GTPBP10: variants seen among roughly 807,000 people sequenced by gnomAD.
GTPBP10 encodes GTP-binding protein 10.
GTPBP10 carries 38 observed loss-of-function variants against 44.8 expected under a neutral mutation model. That is an observed-to-expected ratio of 0.85 (90% confidence interval 0.65 to 1.11). The LOEUF is 1.11. Ranked by LOEUF, GTPBP10 falls within the 50% of genes most tolerant of loss-of-function variation. GTPBP10 has a pLI of 0.00. For missense variants in GTPBP10, 462 were observed against 453.7 expected, an observed-to-expected ratio of 1.02 and a Z score of -0.17; for synonymous variants, 152 against 150.6, an observed-to-expected ratio of 1.01 and a Z score of -0.07.
At chr7:90,351,014 A>G (rs1201852942) in intron 1 of GTPBP10, among the ~76,000 whole-genome samples, 1 of 152,224 alleles carries the variant, frequency 6.6e-6, no homozygotes, top group South Asian at 2.1e-4. Context: ...TTACTGACTT[A>G]TAAAATGTAC....
chr7:90,353,800 G>C (rs111342758), intron 2 of GTPBP10, among the ~76,000 whole-genome samples: 2,323 of 148,444 alleles, frequency 0.016, 58 homozygotes, highest in African/African-American at 0.053. Flanking sequence ...GCTATTTGGT[G>C]GATTTTCTTT....
chr7:90,366,490 C>T (rs898315002), intron 4 of GTPBP10, among the ~76,000 whole-genome samples: 39 of 152,146 alleles, frequency 2.6e-4, no homozygotes, highest in African/African-American at 8.9e-4. Flanking sequence ...TCAAATTCTT[C>T]CTGTTTTAGT....
rs1333034358 is a variant in GTPBP10, at chr7:90,390,236, AAG to A, written c.*5084_*5085del. 2.0e-5 allele frequency: 3 copies of A among 152,246 alleles called. No individual in the cohort carries two copies. Among genetic ancestry groups the A allele is most frequent in the Non-Finnish European group, 4.4e-5 (3 of 68,052 alleles). 9.4% of individuals were successfully genotyped at this position (152,246 alleles called of 1,614,324 possible). On this transcript the variant is annotated 3_prime_UTR_variant, in exon 10 of 10. Coordinates refer to ENST00000222511, the MANE Select transcript of GTPBP10 (RefSeq NM_033107.4). Reference sequence around the variant, plus strand: ...GAAATGAGAAAGGGAGAGAGGGAAGAAGAAAAAAATGGATGTTGGAAAGTTGT... The same window carrying A: ...GAAATGAGAAAGGGAGAGAGGGAAGAAAAAAAATGGATGTTGGAAAGTTGT...
chr7:90,347,050 C>T (rs897944676), intron 1 of GTPBP10, among the ~76,000 whole-genome samples: 2 of 152,106 alleles, frequency 1.3e-5, no homozygotes, highest in African/African-American at 2.4e-5. Flanking sequence ...GGGATACCTG[C>T]CTGCTGTGGC....
At chr7:90,355,333 A>G in intron 4 of GTPBP10, 103 bp downstream of exon 4, 3 of 797,844 alleles carry the variant, frequency 3.8e-6, no homozygotes, top group South Asian at 5.4e-5. Flanking sequence ...TTTCTAATTT[A>G]TGGAATTTGT....
rs535656930 is a variant in GTPBP10 at position 90,369,168 on chromosome 7, C to A, written c.465-2987C>A. 1.3e-3 allele frequency among the ~76,000 whole-genome samples: 195 copies of A among 152,294 alleles called. 1 individual carries two copies. The highest frequency in any genetic ancestry group is 2.0e-3 in the Non-Finnish European group (139 of 68,020). On this transcript the variant is annotated intron_variant, in intron 4 of 9. Transcript: ENST00000222511. The stretch of plus-strand genomic sequence containing the variant: ...TGCTGCCTGATTTTTGCTCTGGAAG[C>A]TTTGTCCTAAAGGGGCAACCCCCTG...
intron 4 of GTPBP10, among the ~76,000 whole-genome samples, chr7:90,370,963 G>T (rs201460409): frequency 2.0e-5 from 3 of 151,634 alleles, no homozygotes; most frequent in South Asian, 2.1e-4. Context: ...CCAAGATCAC[G>T]CCACTGCACT....
At chr7:90,368,201 G>A (rs1796175249) in intron 4 of GTPBP10, among the ~76,000 whole-genome samples, 1 of 152,104 alleles carries the variant, frequency 6.6e-6, no homozygotes, top group Non-Finnish European at 1.5e-5. Context: ...TTTCTCTCTG[G>A]CTGCCCTTAA....
intron 4 of GTPBP10, among the ~76,000 whole-genome samples, chr7:90,359,494 C>G (rs1322289081): frequency 6.6e-6 from 1 of 152,172 alleles, no homozygotes; most frequent in African/African-American, 2.4e-5. Context: ...TGGCTGCATA[C>G]CATTCCATGA....
chr7:90,385,743 T>TA lies in GTPBP10; in HGVS notation c.*591dup, dbSNP rs1176781849. The TA allele has an allele frequency of 3.3e-5, 5 of 152,092 alleles. No homozygotes were observed. Among genetic ancestry groups the TA allele is most frequent in the Non-Finnish European group, 7.4e-5 (5 of 68,024 alleles). 9.4% of individuals were successfully genotyped at this position (152,092 alleles called of 1,614,324 possible). On this transcript the variant is annotated 3_prime_UTR_variant, in exon 10 of 10. Coordinates refer to ENST00000222511, the MANE Select transcript of GTPBP10 (RefSeq NM_033107.4). ...CCTTTTAAAGTTATTATTTTGTAAT[T>TA]AAGTATGTCAACAGTAAAAAATAAC...
chr7:90,372,012 G>A (rs1796266236), intron 4 of GTPBP10, 143 bp from the exon 5 acceptor site: 2 of 529,876 alleles, frequency 3.8e-6, no homozygotes, highest in Non-Finnish European at 3.3e-6. Context: ...GTAAGTGTAT[G>A]TTCTCAAGTT....
intron 4 of GTPBP10, among the ~76,000 whole-genome samples, chr7:90,369,706 C>T (rs17867139): frequency 0.068 from 10,399 of 152,186 alleles, 388 homozygotes; most frequent in South Asian, 0.15. Context: ...GTGTACCACT[C>T]CTCCAGGTAC....
rs1422072262 is a variant in GTPBP10, at chr7:90,385,619, T to A, written c.*465T>A. The stretch of plus-strand genomic sequence containing the variant: ...AATCCAGTTTTTCTACGTCATTTTT[T>A]AAAATTATATTTAATTTTTTTATTT... On this transcript the variant is annotated 3_prime_UTR_variant, in exon 10 of 10. Coordinates refer to ENST00000222511, the MANE Select transcript of GTPBP10 (RefSeq NM_033107.4). 3 of 152,224 alleles carry A rather than the reference T, an allele frequency of 2.0e-5. No individual in the cohort carries two copies. Among genetic ancestry groups the A allele is most frequent in the East Asian group, 1.9e-4 (1 of 5,206 alleles). The allele number at this position is 152,224 out of a possible 1,614,324, so 9.4% of individuals were successfully genotyped here. A position where few individuals can be genotyped will look rare whatever the true frequency, so the allele number is the denominator to read the frequency against.
chr7:90,348,272 A>G (rs1211387626), intron 1 of GTPBP10, among the ~76,000 whole-genome samples: 1 of 152,188 alleles, frequency 6.6e-6, no homozygotes, highest in Non-Finnish European at 1.5e-5. Flanking sequence ...TTGGATATAC[A>G]GTTGACCCTT....
intron 4 of GTPBP10, among the ~76,000 whole-genome samples, chr7:90,370,903 A>G (rs1445549749): frequency 6.6e-6 from 1 of 151,874 alleles, no homozygotes; most frequent in Admixed American, 6.6e-5. Context: ...TCTACTTGGG[A>G]GGCTGAGGCA....
rs137995301 is a variant in GTPBP10, at chr7:90,346,749, A to C, written c.8A>C (p.His3Pro). 4.3e-6 allele frequency: 7 copies of C among 1,614,218 alleles called. No homozygotes were observed. Among genetic ancestry groups the C allele is most frequent in the Admixed American group, 1.7e-5 (1 of 60,024 alleles). MV[H>P]CSCVLFRKYG... ...TCCTGGCCTGTTGCAGCCATGGTGC[A>C]TTGCAGTTGCGTGTTGTTCAGAAAG... Residue 3 changes from histidine (H) to proline (P), a missense_variant, in exon 1 of 10, where the codon CAT (histidine) becomes CCT (proline). Transcript: ENST00000222511.
intron 8 of GTPBP10, among the ~76,000 whole-genome samples, chr7:90,382,315 G>A (rs1182120859): frequency 3.3e-5 from 5 of 151,964 alleles, no homozygotes; most frequent in South Asian, 2.1e-4. Flanking sequence ...ATGGGGTCTC[G>A]TTATGTTGTC....
intron 4 of GTPBP10, among the ~76,000 whole-genome samples, chr7:90,370,335 A>AGTGT (rs33997739): frequency 0.23 from 33,591 of 149,182 alleles, 4,160 homozygotes; most frequent in African/African-American, 0.34. Flanking sequence ...AAGAAAATTG[A>AGTGT]GTGTGTGTGT....
chr7:90,366,203 AG>A (rs146484366), intron 4 of GTPBP10, among the ~76,000 whole-genome samples: 2,347 of 152,296 alleles, frequency 0.015, 57 homozygotes, highest in African/African-American at 0.052. Context: ...GATGTTCGTC[AG>A]GGATATTGGC....
Sources: gnomAD v4.1 joint callset for allele counts (sites outside exome capture counted in the v4.1 genomes callset) on GRCh38, gnomAD v4.1.1 for gene constraint, MANE v1.5 for transcripts, NCBI Gene and HGNC (gene_info 2026-07-23, HGNC 2026-07-21) for gene names.